Variants in C12orf42 observed in about 807,000 individuals in gnomAD.
C12orf42 encodes the protein uncharacterized protein C12orf42.
A neutral mutation model predicts 21.6 loss-of-function variants in C12orf42; 25 were observed. The observed-to-expected ratio is 1.16, with a 90% CI of 0.84 to 1.62. The LOEUF (loss-of-function observed/expected upper bound fraction) is 1.62, where lower values mean the gene tolerates loss of function less well. Among genes scored for constraint, C12orf42 ranks in the 40% most tolerant of loss-of-function variants. The pLI is 0.00. For missense variants in C12orf42, 483 were observed against 459.3 expected (o/e 1.05, Z -0.47); for synonymous variants, 174 against 175.0 (o/e 0.99, Z 0.05).
chr12:103,132,589 C>A, the C12orf42 span, among the ~76,000 whole-genome samples: 1 of 152,338 alleles, frequency 6.6e-6, no homozygotes, highest in East Asian at 1.9e-4. Context: ...CACCAGACTG[C>A]ATATTCTCTA....
At chr12:103,303,948 C>T (rs1317876978) in intron 5 of C12orf42, among the ~76,000 whole-genome samples, 1 of 152,170 alleles carries the variant, frequency 6.6e-6, no homozygotes, top group Non-Finnish European at 1.5e-5. Context: ...CTCCAGAGAA[C>T]ATTGATGTAG....
chr12:103,318,247 G>T (rs1375085436), intron 4 of C12orf42, among the ~76,000 whole-genome samples: 2 of 151,952 alleles, frequency 1.3e-5, no homozygotes, highest in Non-Finnish European at 2.9e-5. Flanking sequence ...TCACACCACT[G>T]CACTCCAGCC....
chr12:103,169,702 T>C, the C12orf42 span, among the ~76,000 whole-genome samples: 1 of 152,092 alleles, frequency 6.6e-6, no homozygotes, highest in Non-Finnish European at 1.5e-5. Context: ...TTAAAGAAGG[T>C]GTTTTGGATG....
At chr12:103,055,147 A>C in the C12orf42 span, among the ~76,000 whole-genome samples, 1 of 151,858 alleles carries the variant, frequency 6.6e-6, no homozygotes, top group Non-Finnish European at 1.5e-5. Flanking sequence ...AATTGATGTT[A>C]ATCCTTGTTT....
chr12:103,313,601 C>G (rs1029499578), intron 4 of C12orf42, among the ~76,000 whole-genome samples: 2 of 152,202 alleles, frequency 1.3e-5, no homozygotes, highest in African/African-American at 4.8e-5. Flanking sequence ...ATCTATCACA[C>G]AGGATTGGTA....
the C12orf42 span, among the ~76,000 whole-genome samples, chr12:103,533,595 C>A: frequency 6.6e-6 from 1 of 152,162 alleles, no homozygotes; most frequent in Non-Finnish European, 1.5e-5. Flanking sequence ...TTGAAAGCAA[C>A]ATTTTCTGAG....
the C12orf42 span, among the ~76,000 whole-genome samples, chr12:103,521,265 T>C: frequency 0.011 from 1,639 of 152,250 alleles, 26 homozygotes; most frequent in Middle Eastern, 0.017. Context: ...TGCATCACTA[T>C]TCACAGCAGC....
chr12:103,260,654 C>CTGAA (rs2034849114), intron 10 of C12orf42, among the ~76,000 whole-genome samples: 1 of 152,212 alleles, frequency 6.6e-6, no homozygotes, highest in Admixed American at 6.5e-5. Context: ...GATTAATTTG[C>CTGAA]TGAATATCAT....
Position 103,306,332 on chromosome 12 carries a change from C to T in C12orf42, c.273G>A (p.Arg91=), listed in dbSNP as rs965510635. 2.4e-5 allele frequency: 38 copies of T among 1,604,518 alleles called. No homozygotes were observed. The highest frequency in any genetic ancestry group is 5.1e-5 in the Admixed American group (3 of 58,476). The change falls in exon 5 of 6, where the codon AGG becomes AGA. Residue 91 remains arginine, a synonymous_variant. Transcript: ENST00000548883. ...TTTTACACGCCATTGAATTTTGAGT[C>T]CTTTCTGGAAATACTGTGAAAGGTA... ...HFLNFPVFPE[R]TQNSMACKRL...
At chr12:103,313,691 A>G (rs1213942566) in intron 4 of C12orf42, among the ~76,000 whole-genome samples, 1 of 152,236 alleles carries the variant, frequency 6.6e-6, no homozygotes, top group African/African-American at 2.4e-5. Flanking sequence ...CTTAGCTGTT[A>G]TTATCGTTGT....
At chr12:103,500,762 T>C (rs2374051), upstream of C12orf42, among the ~76,000 whole-genome samples, 152,109 of 152,336 alleles carry the variant, frequency 1, 75,941 homozygotes, top group East Asian at 1. Flanking sequence ...AGCATGGATT[T>C]CTAAGGATGT....
the C12orf42 span, among the ~76,000 whole-genome samples, chr12:103,075,614 T>G: frequency 6.6e-6 from 1 of 152,230 alleles, no homozygotes; most frequent in Non-Finnish European, 1.5e-5. Flanking sequence ...ATTCATTTCA[T>G]GAGTCCCCTA....
chr12:103,267,443 T>G (rs1003640355), downstream of C12orf42, among the ~76,000 whole-genome samples: 1 of 152,126 alleles, frequency 6.6e-6, no homozygotes, highest in Non-Finnish European at 1.5e-5. Flanking sequence ...TATGTATACA[T>G]ACATATACAT....
chr12:103,196,289 G>A, the C12orf42 span, among the ~76,000 whole-genome samples: 1 of 152,104 alleles, frequency 6.6e-6, no homozygotes, highest in South Asian at 2.1e-4. Flanking sequence ...CTGTGTTCTA[G>A]AGTATGTTTA....
At chr12:103,204,948 A>G in the C12orf42 span, among the ~76,000 whole-genome samples, 1 of 152,158 alleles carries the variant, frequency 6.6e-6, no homozygotes, top group African/African-American at 2.4e-5. Context: ...AAAAAAGGGC[A>G]AAAACAGCCT....
the C12orf42 span, among the ~76,000 whole-genome samples, chr12:103,146,064 A>C: frequency 6.6e-5 from 10 of 152,162 alleles, no homozygotes; most frequent in Non-Finnish European, 1.3e-4. Context: ...GGTGGTTTTT[A>C]TGCTTTTACT....
At chr12:103,384,842 A>C (rs1429955660) in intron 3 of C12orf42, among the ~76,000 whole-genome samples, 4 of 152,212 alleles carry the variant, frequency 2.6e-5, no homozygotes, top group African/African-American at 9.7e-5. Context: ...GCCATGTAAC[A>C]CACTGGGAAG....
chr12:103,534,052 G>A, the C12orf42 span, among the ~76,000 whole-genome samples: 2 of 152,212 alleles, frequency 1.3e-5, no homozygotes, highest in Admixed American at 6.5e-5. Flanking sequence ...CATACAGTGA[G>A]TGCTCAACAA....
At chr12:103,234,328 C>T (rs990648922), downstream of C12orf42, among the ~76,000 whole-genome samples, 2 of 151,902 alleles carry the variant, frequency 1.3e-5, no homozygotes, top group African/African-American at 4.8e-5. Context: ...CAATTTTATT[C>T]TTCTCATTTT....
Sources: allele counts gnomAD v4.1 joint callset (sites outside exome capture counted in the v4.1 genomes callset), GRCh38; gene constraint gnomAD v4.1.1; transcripts MANE v1.5; gene names NCBI Gene and HGNC (gene_info 2026-07-23, HGNC 2026-07-21).